The following CWC27 variants were observed in gnomAD, a reference collection of about 807,000 sequenced individuals.
CWC27 encodes CWC27 spliceosome associated cyclophilin, also known as spliceosome-associated protein CWC27 homolog.
In CWC27, 47 loss-of-function variants were observed where a neutral mutation model predicts 63.6. That is an observed-to-expected ratio of 0.74 (90% CI 0.58 to 0.94). The LOEUF is 0.94. Ranked by LOEUF, CWC27 falls within the 40% of genes least tolerant of loss-of-function variation. The pLI is 0.00. For missense variants in CWC27, 495 were observed against 554.3 expected (o/e 0.89, Z 1.07); for synonymous variants, 175 against 179.8 (o/e 0.97, Z 0.22).
At chr5:64,829,816 C>G (rs562234544) in intron 10 of CWC27, among the ~76,000 whole-genome samples, 2 of 151,484 alleles carry the variant, frequency 1.3e-5, no homozygotes, top group Admixed American at 1.3e-4. Context: ...TCTACAGGCC[C>G]CATTGTGTGA....
chr5:65,012,550 A>G (rs1324897981), intron 13 of CWC27, among the ~76,000 whole-genome samples: 2 of 152,218 alleles, frequency 1.3e-5, no homozygotes, highest in South Asian at 2.1e-4. Context: ...GGCCTGGGTC[A>G]TATTTGGCTT....
At chr5:64,877,264 C>T (rs1473150642) in intron 10 of CWC27, among the ~76,000 whole-genome samples, 1 of 151,892 alleles carries the variant, frequency 6.6e-6, no homozygotes, top group African/African-American at 2.4e-5. Flanking sequence ...TTTGCAGCAA[C>T]GTGGAAGGAA....
intron 10 of CWC27, among the ~76,000 whole-genome samples, chr5:64,859,371 T>G (rs1044024932): frequency 2.0e-5 from 3 of 152,156 alleles, no homozygotes; most frequent in African/African-American, 7.2e-5. Context: ...GGTGTATCCA[T>G]CTGTCAAATC....
chr5:64,964,825 T>C (rs551326336), intron 11 of CWC27, among the ~76,000 whole-genome samples: 15 of 152,328 alleles, frequency 9.8e-5, no homozygotes, highest in African/African-American at 3.4e-4. Flanking sequence ...TCTCAACTCT[T>C]GTTAGTCCAC....
At chr5:64,862,596 T>C (rs934209182) in intron 10 of CWC27, among the ~76,000 whole-genome samples, 3 of 152,146 alleles carry the variant, frequency 2.0e-5, no homozygotes, top group African/African-American at 4.8e-5. Context: ...AATAATCATC[T>C]AATACCCAGC....
chr5:64,979,338 G>C (rs1257316995), intron 13 of CWC27, among the ~76,000 whole-genome samples: 3 of 152,174 alleles, frequency 2.0e-5, no homozygotes, highest in African/African-American at 4.8e-5. Context: ...TGAACCTCCA[G>C]AATGTTTTTG....
chr5:64,823,078 C>A (rs1415552885), intron 10 of CWC27, among the ~76,000 whole-genome samples: 2 of 151,980 alleles, frequency 1.3e-5, no homozygotes, highest in Non-Finnish European at 2.9e-5. Flanking sequence ...TCTGAGTAAA[C>A]CAATTTTTCT....
chr5:64,771,690 A>G (rs912452537), intron 1 of CWC27, among the ~76,000 whole-genome samples: 4 of 152,198 alleles, frequency 2.6e-5, no homozygotes, highest in Non-Finnish European at 5.9e-5. Flanking sequence ...GTATATTTGC[A>G]TATATGTTTA....
chr5:64,902,616 A>G (rs936997677), intron 11 of CWC27, among the ~76,000 whole-genome samples: 3 of 152,160 alleles, frequency 2.0e-5, no homozygotes, highest in Admixed American at 2.0e-4. Context: ...GAATACTAGT[A>G]TCTTGATCAC....
intron 10 of CWC27, among the ~76,000 whole-genome samples, chr5:64,863,689 A>G (rs1394435841): frequency 6.6e-6 from 1 of 151,848 alleles, no homozygotes. Flanking sequence ...ACTCCTCACT[A>G]TGTTGCCCAG....
chr5:64,869,765 TTG>T (rs1746618842), intron 10 of CWC27, among the ~76,000 whole-genome samples: 1 of 152,044 alleles, frequency 6.6e-6, no homozygotes, highest in Non-Finnish European at 1.5e-5. Context: ...TGCTGTGGCT[TTG>T]TGTCTATTGT....
chr5:65,011,867 A>AT (rs1363267865), intron 13 of CWC27, among the ~76,000 whole-genome samples: 3 of 152,146 alleles, frequency 2.0e-5, no homozygotes, highest in Non-Finnish European at 2.9e-5. Flanking sequence ...TAGCATCCCT[A>AT]TTTTAGGAAG....
intron 11 of CWC27, among the ~76,000 whole-genome samples, chr5:64,943,696 C>T (rs1347246): frequency 0.3 from 45,947 of 151,992 alleles, 7,602 homozygotes; most frequent in African/African-American, 0.44. Flanking sequence ...CCTAGCACAT[C>T]GTAGATTTCT....
rs546096600 is a variant in CWC27 at position 64,820,530 on chromosome 5, A to G, written c.938+16144A>G. ...CCAATATCTAGAGTGTGACATACCT[A>G]TTAAATCTTAAAGAAGGAAAAAAAA... On this transcript the variant is annotated intron_variant, in intron 10 of 13. Transcript: ENST00000381070. Among the ~76,000 whole-genome samples, 3 of 152,204 alleles carry G rather than the reference A, an allele frequency of 2.0e-5. No individual in the cohort carries two copies. The East Asian group carries it at 5.8e-4, about 29-fold the overall frequency.
intron 10 of CWC27, among the ~76,000 whole-genome samples, chr5:64,826,076 A>AATCTATCTATCTATCTATCT (rs148024057): frequency 6.7e-4 from 100 of 148,432 alleles, no homozygotes; most frequent in East Asian, 1.8e-3. Context: ...CTTTGTAATA[A>AATCTATCTATCTATCTATCT]ATCTATCTAT....
chr5:65,016,597 G>C (rs888111180), intron 13 of CWC27, among the ~76,000 whole-genome samples: 13 of 152,066 alleles, frequency 8.5e-5, no homozygotes, highest in African/African-American at 3.1e-4. Context: ...GCTTTCTCAG[G>C]TGGGACAAAA....
chr5:64,837,863 A>G (rs368996920), intron 10 of CWC27, among the ~76,000 whole-genome samples: 1 of 152,234 alleles, frequency 6.6e-6, no homozygotes, highest in Middle Eastern at 3.4e-3. Context: ...TTTTCATAGT[A>G]TTTCCTTCAG....
intron 11 of CWC27, among the ~76,000 whole-genome samples, chr5:64,968,207 A>G (rs1203363298): frequency 2.0e-5 from 3 of 152,108 alleles, no homozygotes; most frequent in Non-Finnish European, 4.4e-5. Context: ...GCTCTCTAAA[A>G]TATTCAGTTA....
chr5:64,928,107 A>G (rs1748156062), intron 11 of CWC27, among the ~76,000 whole-genome samples: 1 of 151,886 alleles, frequency 6.6e-6, no homozygotes, highest in Admixed American at 6.6e-5. Context: ...GTGAGCTGAG[A>G]TCGCGCCATT....
Sources: gnomAD v4.1 joint callset for allele counts (sites outside exome capture counted in the v4.1 genomes callset) on GRCh38, gnomAD v4.1.1 for gene constraint, MANE v1.5 for transcripts, NCBI Gene and HGNC (gene_info 2026-07-23, HGNC 2026-07-21) for gene names.